The following HS3ST4 variants were observed in gnomAD, a reference collection of about 807,000 sequenced individuals.
The protein encoded by HS3ST4 is heparan sulfate glucosamine 3-O-sulfotransferase 4.
In HS3ST4, 17 loss-of-function variants were observed where a neutral mutation model predicts 29.2. That is an observed-to-expected ratio of 0.58 (90% confidence interval 0.40 to 0.87). HS3ST4 has a LOEUF of 0.87. Ranked by LOEUF, HS3ST4 falls within the 40% of genes least tolerant of loss-of-function variation. The pLI is 0.00. For synonymous variants in HS3ST4, 314 were observed against 285.7 expected (o/e 1.10, Z -1.00); for missense variants, 627 against 634.5 (o/e 0.99, Z 0.13).
chr16:25,711,975 A>G (rs1966418638), intron 1 of HS3ST4, among the ~76,000 whole-genome samples: 1 of 152,214 alleles, frequency 6.6e-6, no homozygotes, highest in Non-Finnish European at 1.5e-5. Flanking sequence ...AATTTATTTC[A>G]AAAATGTGTA....
intron 1 of HS3ST4, among the ~76,000 whole-genome samples, chr16:25,914,451 C>T (rs557920785): frequency 6.8e-6 from 1 of 147,856 alleles, no homozygotes; most frequent in East Asian, 2.0e-4. Flanking sequence ...CATGGTGTGG[C>T]GTGTTGTGTG....
intron 1 of HS3ST4, among the ~76,000 whole-genome samples, chr16:25,787,535 G>C (rs947213526): frequency 6.6e-6 from 1 of 152,196 alleles, no homozygotes; most frequent in Non-Finnish European, 1.5e-5. Flanking sequence ...CCCTAAATCT[G>C]TTCTTCTAAA....
At chr16:25,785,632 G>A (rs1271084352) in intron 1 of HS3ST4, among the ~76,000 whole-genome samples, 1 of 152,206 alleles carries the variant, frequency 6.6e-6, no homozygotes, top group African/African-American at 2.4e-5. Flanking sequence ...CTTCCCTGAG[G>A]CAGTTAGATA....
chr16:25,731,020 C>T (rs1273100615), intron 1 of HS3ST4, among the ~76,000 whole-genome samples: 1 of 152,182 alleles, frequency 6.6e-6, no homozygotes, highest in East Asian at 1.9e-4. Flanking sequence ...TCCAGGTGCC[C>T]TCCCCCAGCC....
chr16:25,962,470 A>C (rs151203070), intron 1 of HS3ST4, among the ~76,000 whole-genome samples: 305 of 152,316 alleles, frequency 2.0e-3, no homozygotes, highest in African/African-American at 6.8e-3. Flanking sequence ...TAATGACTAC[A>C]TTTTAGTCAG....
intron 1 of HS3ST4, among the ~76,000 whole-genome samples, chr16:25,716,181 A>G (rs1226059401): frequency 6.6e-6 from 1 of 152,164 alleles, no homozygotes; most frequent in African/African-American, 2.4e-5. Flanking sequence ...TTCCCATATA[A>G]TCTTTTATGG....
intron 1 of HS3ST4, among the ~76,000 whole-genome samples, chr16:25,988,734 A>T (rs1238993890): frequency 6.6e-6 from 1 of 152,060 alleles, no homozygotes; most frequent in African/African-American, 2.4e-5. Flanking sequence ...AGGGAGGGAG[A>T]GAATCAGGAA....
At chr16:26,025,493 C>T (rs1339594899) in intron 1 of HS3ST4, among the ~76,000 whole-genome samples, 1 of 152,142 alleles carries the variant, frequency 6.6e-6, no homozygotes, top group Non-Finnish European at 1.5e-5. Context: ...CCAGAAACTC[C>T]AGCCACTTTG....
intron 1 of HS3ST4, among the ~76,000 whole-genome samples, chr16:25,744,356 A>G (rs951741317): frequency 6.6e-6 from 1 of 152,194 alleles, no homozygotes; most frequent in African/African-American, 2.4e-5. Flanking sequence ...CACCTAGTAC[A>G]CTGGATAATC....
intron 1 of HS3ST4, among the ~76,000 whole-genome samples, chr16:26,081,257 G>A (rs540020082): frequency 8.7e-5 from 13 of 149,340 alleles, no homozygotes; most frequent in African/African-American, 1.2e-4. Context: ...ACTGCACTCC[G>A]GCCTGGGCAA....
chr16:25,751,525 A>G (rs1266454205), intron 1 of HS3ST4, among the ~76,000 whole-genome samples: 1 of 152,214 alleles, frequency 6.6e-6, no homozygotes, highest in African/African-American at 2.4e-5. Flanking sequence ...AAATAATTAC[A>G]AAGCACTCAG....
At chr16:25,756,379 G>A (rs935878993) in intron 1 of HS3ST4, among the ~76,000 whole-genome samples, 1 of 152,112 alleles carries the variant, frequency 6.6e-6, no homozygotes, top group East Asian at 1.9e-4. Flanking sequence ...TGGGAGGTGA[G>A]TGCAGGGTAC....
rs117391624 is a variant in HS3ST4, at chr16:26,031,017, T to C, written c.735-104595T>C. Among the ~76,000 whole-genome samples, 1,370 of 152,244 alleles carry C rather than the reference T, an allele frequency of 9.0e-3. 11 individuals carry two copies. The highest frequency in any genetic ancestry group is 0.015 in the Non-Finnish European group (1,009 of 68,016). The stretch of plus-strand genomic sequence containing the variant: ...AAAGAAGTATTTGTGAAGGATAGAA[T>C]TGTTGAGAGAATGAAAGTATTAGAT... On this transcript the variant is annotated intron_variant, in intron 1 of 1. Coordinates refer to ENST00000331351, the MANE Select transcript of HS3ST4 (RefSeq NM_006040.3).
chr16:26,123,440 A>G lies in HS3ST4; in HGVS notation c.735-12172A>G, dbSNP rs542980554. On this transcript the variant is annotated intron_variant, in intron 1 of 1. Transcript: ENST00000331351. ...AGTTGACCCTTGGCCAGTGATTCCT[A>G]CCCTGAAAGTCTTTGACCACTGTGA... Among the ~76,000 whole-genome samples the G allele has an allele frequency of 2.0e-5, 3 of 152,308 alleles. No individual in the cohort carries two copies. The South Asian group carries it at 6.2e-4, about 32-fold the overall frequency.
intron 1 of HS3ST4, among the ~76,000 whole-genome samples, chr16:25,861,950 A>T (rs970839641): frequency 5.9e-5 from 9 of 152,176 alleles, no homozygotes; most frequent in Admixed American, 5.2e-4. Context: ...CATGTCATGT[A>T]GCAGCAGTCC....
chr16:25,964,761 G>A (rs1334973000), intron 1 of HS3ST4, among the ~76,000 whole-genome samples: 1 of 152,072 alleles, frequency 6.6e-6, no homozygotes, highest in Non-Finnish European at 1.5e-5. Context: ...TTCCTCATCA[G>A]TTCAATCATA....
chr16:26,126,816 A>C (rs1439718964), intron 1 of HS3ST4, among the ~76,000 whole-genome samples: 1 of 152,186 alleles, frequency 6.6e-6, no homozygotes, highest in Non-Finnish European at 1.5e-5. Context: ...TCCATCCCAG[A>C]ATGTTGACAG....
chr16:26,105,600 T>A (rs1281814319), intron 1 of HS3ST4, among the ~76,000 whole-genome samples: 1 of 152,200 alleles, frequency 6.6e-6, no homozygotes, highest in Non-Finnish European at 1.5e-5. Flanking sequence ...GAAGGTAAAA[T>A]CTCAAGTTCT....
intron 1 of HS3ST4, among the ~76,000 whole-genome samples, chr16:26,056,062 G>C (rs1324962111): frequency 6.6e-6 from 1 of 151,682 alleles, no homozygotes; most frequent in Non-Finnish European, 1.5e-5. Flanking sequence ...GAGAGAGAGA[G>C]AGAGAGAGAG....
Sources: gnomAD v4.1 joint callset for allele counts (sites outside exome capture counted in the v4.1 genomes callset) on GRCh38, gnomAD v4.1.1 for gene constraint, MANE v1.5 for transcripts, NCBI Gene and HGNC (gene_info 2026-07-23, HGNC 2026-07-21) for gene names.